Variants in DAB1 observed in about 807,000 individuals in gnomAD.
DAB1 encodes the protein DAB adaptor protein 1, also known as disabled homolog 1.
Under a neutral mutation model 64.6 loss-of-function variants are expected in DAB1, and 15 were observed. That is an observed-to-expected ratio of 0.23 (90% CI 0.16 to 0.36). The LOEUF (loss-of-function observed/expected upper bound fraction) is 0.36. Ranked by LOEUF, DAB1 falls within the 10% of genes least tolerant of loss-of-function variation. The pLI is 1.00. For synonymous variants in DAB1, 235 were observed against 251.9 expected, an observed-to-expected ratio of 0.93 and a Z score of 0.64; for missense variants, 596 against 706.7, an observed-to-expected ratio of 0.84 and a Z score of 1.78.
chr1:57,333,370 C>T (rs1487562256), intron 1 of DAB1, among the ~76,000 whole-genome samples: 1 of 152,240 alleles, frequency 6.6e-6, no homozygotes, highest in Non-Finnish European at 1.5e-5. Context: ...TCAGCATCCT[C>T]ATCTCCGACA....
intron 1 of DAB1, among the ~76,000 whole-genome samples, chr1:57,302,677 T>G (rs754281436): frequency 2.5e-4 from 38 of 152,088 alleles, no homozygotes; most frequent in Admixed American, 8.5e-4. Flanking sequence ...AATCATACCT[T>G]ACTGCAGCCT....
chr1:57,704,984 G>C (rs1004268535), intron 6 of DAB1, among the ~76,000 whole-genome samples: 1 of 151,316 alleles, frequency 6.6e-6, no homozygotes, highest in East Asian at 1.9e-4. Context: ...TCTATAGACA[G>C]GATTAAAAGT....
chr1:58,449,845 G>C (rs532407832), intron 3 of DAB1, among the ~76,000 whole-genome samples: 2 of 152,210 alleles, frequency 1.3e-5, no homozygotes, highest in Admixed American at 1.3e-4. Flanking sequence ...TAATTCATCT[G>C]TTTTCTTTGT....
intron 5 of DAB1, among the ~76,000 whole-genome samples, chr1:57,910,272 A>G (rs1243210198): frequency 6.6e-6 from 1 of 152,172 alleles, no homozygotes. Context: ...CTTGAGCCAC[A>G]GCATCTGGTC....
intron 7 of DAB1, among the ~76,000 whole-genome samples, chr1:57,605,173 C>T (rs1645621482): frequency 6.6e-6 from 1 of 152,146 alleles, no homozygotes. Context: ...CTATTTCCTA[C>T]TGTCTTTCCA....
rs1433360758 is a variant in DAB1 at position 58,074,191 on chromosome 1, G to C, written n.387+76320C>G. Among the ~76,000 whole-genome samples the C allele has an allele frequency of 2.0e-5, 3 of 152,046 alleles. No individual in the cohort carries two copies. In the East Asian group the frequency reaches 5.8e-4, roughly 29 times the overall value. On this transcript the variant is annotated intron_variant and non_coding_transcript_variant, in intron 5 of 20. Coordinates refer to the DAB1 transcript ENST00000485760. ...CTGACTTCAAAGGTTGCAGATAGGAGGAAGGGTACCACATGAAGGAATATT... is the reference window on the plus strand; with the variant it reads ...CTGACTTCAAAGGTTGCAGATAGGACGAAGGGTACCACATGAAGGAATATT...
chr1:57,163,210 G>T (rs1308150219), intron 2 of DAB1, among the ~76,000 whole-genome samples: 1 of 152,216 alleles, frequency 6.6e-6, no homozygotes, highest in Non-Finnish European at 1.5e-5. Context: ...TAATGAACAA[G>T]ATCATTCCAG....
intron 5 of DAB1, among the ~76,000 whole-genome samples, chr1:57,929,021 C>T (rs1242594336): frequency 1.3e-5 from 2 of 152,208 alleles, no homozygotes; most frequent in South Asian, 2.1e-4. Context: ...GCCAAGCGGG[C>T]TTCCAAAGTG....
intron 2 of DAB1, among the ~76,000 whole-genome samples, chr1:57,234,840 G>C (rs1290789227): frequency 1.3e-5 from 2 of 152,198 alleles, no homozygotes; most frequent in Non-Finnish European, 2.9e-5. Context: ...CCCATTCCTT[G>C]CTGACTATGT....
intron 7 of DAB1, among the ~76,000 whole-genome samples, chr1:57,556,281 T>C (rs368444430): frequency 2.1e-4 from 32 of 152,298 alleles, no homozygotes; most frequent in South Asian, 1.7e-3. Context: ...TATTTTCCTC[T>C]AGATAGATAC....
intron 7 of DAB1, among the ~76,000 whole-genome samples, chr1:57,431,018 G>A (rs548724683): frequency 6.6e-6 from 1 of 151,912 alleles, no homozygotes; most frequent in South Asian, 2.1e-4. Context: ...GGACGCTAAG[G>A]GAGCATCAAA....
At chr1:57,823,474 C>T (rs530274381), downstream of DAB1, among the ~76,000 whole-genome samples, 1 of 152,060 alleles carries the variant, frequency 6.6e-6, no homozygotes, top group Non-Finnish European at 1.5e-5. Context: ...CAGGGGTCTT[C>T]TGGAGAAGAC....
chr1:58,513,396 G>T (rs536724142), intron 2 of DAB1, among the ~76,000 whole-genome samples: 1 of 152,134 alleles, frequency 6.6e-6, no homozygotes, highest in East Asian at 1.9e-4. Context: ...TGTGAAAATG[G>T]ACTAATACAG....
chr1:57,633,911 CA>C (rs1275081033), intron 7 of DAB1, among the ~76,000 whole-genome samples: 1 of 152,166 alleles, frequency 6.6e-6, no homozygotes, highest in African/African-American at 2.4e-5. Context: ...TAACGTTTGT[CA>C]ATATTTTTAA....
At chr1:57,582,791 A>G (rs1645329549) in intron 7 of DAB1, among the ~76,000 whole-genome samples, 1 of 152,166 alleles carries the variant, frequency 6.6e-6, no homozygotes, top group South Asian at 2.1e-4. Context: ...CTATAACAAC[A>G]TGCTCAGGGA....
intron 2 of DAB1, among the ~76,000 whole-genome samples, chr1:57,239,516 G>A (rs191455904): frequency 3.4e-4 from 52 of 152,274 alleles, no homozygotes; most frequent in Admixed American, 1.3e-4. Context: ...TTTAGGCAAT[G>A]GGGAGTGTGG....
At chr1:58,206,266 G>A (rs1018886440) in intron 4 of DAB1, among the ~76,000 whole-genome samples, 2 of 152,164 alleles carry the variant, frequency 1.3e-5, no homozygotes, top group Non-Finnish European at 2.9e-5. Context: ...TCATAGGTAG[G>A]TTGCATTTTT....
chr1:58,470,148 ATTTAT>A (rs1455523673), intron 3 of DAB1, among the ~76,000 whole-genome samples: 1 of 34,208 alleles, frequency 2.9e-5, no homozygotes, highest in Non-Finnish European at 6.7e-5. Flanking sequence ...TTATTTATTT[ATTTAT>A]TTATTTTTAT....
chr1:57,343,095 G>T (rs1365906338), intron 1 of DAB1, among the ~76,000 whole-genome samples: 1 of 151,966 alleles, frequency 6.6e-6, no homozygotes, highest in Non-Finnish European at 1.5e-5. Context: ...TTGACAGGGC[G>T]CTGATTGGTG....
Sources: allele counts gnomAD v4.1 joint callset (sites outside exome capture counted in the v4.1 genomes callset), GRCh38; gene constraint gnomAD v4.1.1; transcripts MANE v1.5; gene names NCBI Gene and HGNC (gene_info 2026-07-23, HGNC 2026-07-21).